Variants in CNOT2 observed in about 807,000 individuals in gnomAD.
CNOT2 encodes CC chemokine receptor 4-negative regulator of transcription 2.
A neutral mutation model predicts 72.1 loss-of-function variants in CNOT2; 7 were observed. The ratio of observed to expected loss-of-function variants is 0.10; its 90% CI spans 0.06 to 0.18. The LOEUF is 0.18. CNOT2 is among the 10% of genes least tolerant of loss of function. CNOT2 has a pLI of 1.00. For missense variants in CNOT2, 345 were observed against 660.3 expected (o/e 0.52, Z 5.23); for synonymous variants, 196 against 225.6 (o/e 0.87, Z 1.17).
At chr12:70,264,330 T>G (rs1958919863) in intron 1 of CNOT2, among the ~76,000 whole-genome samples, 2 of 152,170 alleles carry the variant, frequency 1.3e-5, no homozygotes, top group African/African-American at 2.4e-5. Flanking sequence ...CTCCATATTT[T>G]TGAGGGTACC....
rs960621820 is a variant in CNOT2, at chr12:70,244,852, A to G, written c.-96+1372A>G. On this transcript the variant is annotated intron_variant, in intron 1 of 15. Transcript: ENST00000229195. The stretch of plus-strand genomic sequence containing the variant: ...TTCAAAGTTGAACATATTTAGTGTC[A>G]TGCTTAATATTAGGAATTTTTAGAG... Among the ~76,000 whole-genome samples, 8 of 152,346 alleles carry G rather than the reference A, an allele frequency of 5.3e-5. 1 individual carries two copies. The Middle Eastern group carries it at 0.01, about 194-fold the overall frequency.
intron 1 of CNOT2, among the ~76,000 whole-genome samples, chr12:70,273,592 C>T (rs1868333307): frequency 1.3e-5 from 2 of 151,922 alleles, no homozygotes; most frequent in South Asian, 2.1e-4. Context: ...AATTTCAGAC[C>T]CCAGTTTTAT....
At chr12:70,291,666 G>C (rs1871924339) in intron 2 of CNOT2, among the ~76,000 whole-genome samples, 1 of 152,194 alleles carries the variant, frequency 6.6e-6, no homozygotes, top group Non-Finnish European at 1.5e-5. Flanking sequence ...GGCCAGGCGT[G>C]GTGGCTCACG....
intron 7 of CNOT2, chr12:70,334,477 C>T (rs1880388216): frequency 6.6e-6 from 1 of 151,962 alleles, no homozygotes. Context: ...GTTTGAGATT[C>T]TTACAGTTGT....
chr12:70,246,890 C>G (rs1957898751), intron 1 of CNOT2, among the ~76,000 whole-genome samples: 1 of 152,096 alleles, frequency 6.6e-6, no homozygotes, highest in Non-Finnish European at 1.5e-5. Flanking sequence ...AATACAGATG[C>G]AAATCTGTTG....
At chr12:70,301,881 T>C (rs1213570589) in intron 2 of CNOT2, 2 of 152,264 alleles carry the variant, frequency 1.3e-5, no homozygotes, top group African/African-American at 4.8e-5. Flanking sequence ...CTATTAATTA[T>C]TGCCTCCATT....
chr12:70,250,600 A>C (rs12300208), intron 1 of CNOT2, among the ~76,000 whole-genome samples: 2,051 of 152,190 alleles, frequency 0.013, 46 homozygotes, highest in African/African-American at 0.046. Context: ...ATAAAGGGGG[A>C]TAAAGGTACA....
At chr12:70,272,063 G>T (rs1375487594) in intron 1 of CNOT2, among the ~76,000 whole-genome samples, 3 of 152,166 alleles carry the variant, frequency 2.0e-5, no homozygotes, top group African/African-American at 7.2e-5. Context: ...CCTTCCGGTT[G>T]CTGGTCTTTT....
chr12:70,313,857 T>C (rs1415773767), intron 3 of CNOT2, among the ~76,000 whole-genome samples: 4 of 152,128 alleles, frequency 2.6e-5, no homozygotes, highest in Non-Finnish European at 5.9e-5. Context: ...AATTAAAATA[T>C]CCCTTTATTA....
At chr12:70,338,339 C>T in intron 9 of CNOT2, 104 bp from the exon 10 acceptor site, 1 of 938,678 alleles carries the variant, frequency 1.1e-6, no homozygotes, top group Non-Finnish European at 1.5e-6. Flanking sequence ...AATTTAACTA[C>T]CAATTTAAAT....
intron 2 of CNOT2, among the ~76,000 whole-genome samples, chr12:70,299,107 G>A (rs968579157): frequency 1.1e-4 from 17 of 152,120 alleles, no homozygotes; most frequent in African/African-American, 3.4e-4. Flanking sequence ...TCTCACAATC[G>A]TGGCAGAAGG....
intron 1 of CNOT2, among the ~76,000 whole-genome samples, chr12:70,249,400 A>G (rs1958031310): frequency 6.8e-6 from 1 of 146,670 alleles, no homozygotes; most frequent in South Asian, 2.2e-4. Context: ...ATATATTAAA[A>G]TAAGTTTAAA....
rs1881010377 is a variant in CNOT2 at position 70,338,546 on chromosome 12, T to C, written c.1004T>C (p.Ile335Thr). Residue 335 changes from isoleucine to threonine, a missense_variant, in exon 10 of 16, where the codon ATC becomes ACC. Transcript: ENST00000229195. Reference sequence around the variant, plus strand: ...AATAATAACCAGCAGAAAAAAGGGATCCAGGTGTTACCTGATGGTGGGACT... The same window carrying C: ...AATAATAACCAGCAGAAAAAAGGGACCCAGGTGTTACCTGATGGTGGGACT... ...TQNNNQQKKG[I>T]QVLPDGRVTN... 1 of 1,612,266 alleles carries C rather than the reference T, an allele frequency of 6.2e-7. No homozygotes were observed.
intron 1 of CNOT2, among the ~76,000 whole-genome samples, chr12:70,268,655 C>T (rs1303609309): frequency 6.6e-6 from 1 of 151,542 alleles, no homozygotes; most frequent in East Asian, 1.9e-4. Flanking sequence ...GTGATGGGGT[C>T]TCACTATGTT....
chr12:70,266,366 G>A (rs538123815), intron 1 of CNOT2, among the ~76,000 whole-genome samples: 5 of 152,156 alleles, frequency 3.3e-5, no homozygotes, highest in African/African-American at 9.6e-5. Flanking sequence ...CAGGTGATCC[G>A]CCCACCTTGG....
intron 4 of CNOT2, among the ~76,000 whole-genome samples, chr12:70,328,581 A>G (rs1453989479): frequency 1.3e-5 from 2 of 151,886 alleles, no homozygotes; most frequent in Non-Finnish European, 2.9e-5. Context: ...TATGATAATT[A>G]TCCTGGATTA....
rs561860167 is a variant in CNOT2 at position 70,352,362 on chromosome 12, T to C, written c.1537-1467T>C. 1.4e-3 allele frequency among the ~76,000 whole-genome samples: 215 copies of C among 152,344 alleles called. 1 individual carries two copies. Among genetic ancestry groups the C allele is most frequent in the African/African-American group, 4.9e-3 (204 of 41,586 alleles). ...ACAAAGATTAGAATAAAATTAGCTG[T>C]ATCTCTAATTTTAGCACATACTAGG... is the stretch of plus-strand genomic sequence containing the variant. On this transcript the variant is annotated intron_variant, in intron 15 of 15. Transcript: ENST00000229195.
At chr12:70,319,876 G>T (rs916795843) in intron 4 of CNOT2, among the ~76,000 whole-genome samples, 2 of 151,554 alleles carry the variant, frequency 1.3e-5, no homozygotes, top group Non-Finnish European at 3.0e-5. Context: ...TTGACTCACG[G>T]TTTAATGCTT....
chr12:70,296,687 T>A (rs1484331172), intron 2 of CNOT2, among the ~76,000 whole-genome samples: 4 of 151,804 alleles, frequency 2.6e-5, no homozygotes, highest in Non-Finnish European at 4.4e-5. Flanking sequence ...TTCCAGGTAT[T>A]AATATCTTTG....
Sources: allele counts gnomAD v4.1 joint callset (sites outside exome capture counted in the v4.1 genomes callset), GRCh38; gene constraint gnomAD v4.1.1; transcripts MANE v1.5; gene names NCBI Gene and HGNC (gene_info 2026-07-23, HGNC 2026-07-21).